Variants in SH2D4B observed in about 807,000 individuals in gnomAD.
The protein encoded by SH2D4B is SH2 domain-containing protein 4B.
SH2D4B carries 45 observed loss-of-function variants against 61.5 expected under a neutral mutation model. The ratio of observed to expected loss-of-function variants is 0.73; its 90% CI spans 0.58 to 0.94. The LOEUF (loss-of-function observed/expected upper bound fraction) is 0.94. Ranked by LOEUF, SH2D4B falls within the 40% of genes least tolerant of loss-of-function variation. SH2D4B has a pLI of 0.00. For missense variants in SH2D4B, 572 were observed against 574.2 expected (o/e 1.00, Z 0.04); for synonymous variants, 224 against 220.4 (o/e 1.02, Z -0.14).
intron 5 of SH2D4B, among the ~76,000 whole-genome samples, chr10:80,604,246 A>G (rs1350077594): frequency 1.3e-5 from 2 of 152,168 alleles, no homozygotes; most frequent in Non-Finnish European, 2.9e-5. Flanking sequence ...CAATTGGAAT[A>G]GTAGGTTTGC....
chr10:80,549,202 ATTGTGTGTGTGTGTGTG>A (rs1193411463), intron 1 of SH2D4B, among the ~76,000 whole-genome samples: 10 of 80,592 alleles, frequency 1.2e-4, no homozygotes, highest in Non-Finnish European at 1.9e-4. Context: ...ATGGGACTTG[ATTGTGTGTGTGTGTGTG>A]TGTGTGTGTG....
rs758321542 is a variant in SH2D4B at position 80,609,553 on chromosome 10, T to C, written c.988+2T>C. 1.2e-6 allele frequency: 2 copies of C among 1,613,762 alleles called. No homozygotes were observed. The highest frequency in any genetic ancestry group is 2.2e-5 in the South Asian group (2 of 91,086). ...AGTTCATCGCCCCCTGGTTCCATGG[T>C]AGCACCATTTTTCTGGGCCCTGTGC... On this transcript the variant is annotated splice_donor_variant, in intron 6 of 7. Transcript: ENST00000646907. LOFTEE classifies it high-confidence loss of function.
intron 3 of SH2D4B, among the ~76,000 whole-genome samples, chr10:80,582,674 ACC>A (rs1842196224): frequency 1.3e-5 from 2 of 152,164 alleles, no homozygotes; most frequent in Admixed American, 1.3e-4. Context: ...GGACAACACC[ACC>A]TGCCCTTACC....
At chr10:80,616,250 C>G (rs996154592) in intron 6 of SH2D4B, among the ~76,000 whole-genome samples, 2 of 152,114 alleles carry the variant, frequency 1.3e-5, no homozygotes, top group African/African-American at 4.8e-5. Flanking sequence ...AGCGAGATTG[C>G]TAATTTTCTT....
intron 1 of SH2D4B, among the ~76,000 whole-genome samples, chr10:80,553,384 T>G (rs1166923896): frequency 6.6e-6 from 1 of 152,192 alleles, no homozygotes; most frequent in African/African-American, 2.4e-5. Context: ...GCGATTTTGA[T>G]CCCAGAGATT....
chr10:80,566,945 C>T (rs1395818840), intron 1 of SH2D4B, among the ~76,000 whole-genome samples: 1 of 152,164 alleles, frequency 6.6e-6, no homozygotes, highest in African/African-American at 2.4e-5. Flanking sequence ...TAGCAATGCA[C>T]TCCTATATAT....
chr10:80,602,420 A>G (rs1842460928), intron 4 of SH2D4B, among the ~76,000 whole-genome samples: 1 of 152,192 alleles, frequency 6.6e-6, no homozygotes, highest in African/African-American at 2.4e-5. Flanking sequence ...CTGTGATCGC[A>G]CCACTGCACT....
chr10:80,540,929 T>C, intron 1 of SH2D4B: 1 of 1,540,704 alleles, frequency 6.5e-7, no homozygotes, highest in Non-Finnish European at 8.8e-7. Flanking sequence ...GCTCTCCAGA[T>C]GCTGGTGAGA....
chr10:80,611,015 A>G (rs755504748), intron 6 of SH2D4B, among the ~76,000 whole-genome samples: 2 of 151,874 alleles, frequency 1.3e-5, no homozygotes, highest in Non-Finnish European at 2.9e-5. Flanking sequence ...TACTAAAAAT[A>G]TTTTAAAAAA....
chr10:80,625,448 G>T (rs1244651759), intron 6 of SH2D4B, among the ~76,000 whole-genome samples: 1 of 151,982 alleles, frequency 6.6e-6, no homozygotes, highest in Non-Finnish European at 1.5e-5. Context: ...ATTTCTAGAT[G>T]ACTTATAATA....
At chr10:80,577,293 T>A (rs1842137000) in intron 3 of SH2D4B, among the ~76,000 whole-genome samples, 1 of 152,210 alleles carries the variant, frequency 6.6e-6, no homozygotes, top group Non-Finnish European at 1.5e-5. Flanking sequence ...TCCCAGTGAA[T>A]GACCCCAACC....
chr10:80,557,952 T>C (rs1841858818), intron 1 of SH2D4B, among the ~76,000 whole-genome samples: 1 of 152,142 alleles, frequency 6.6e-6, no homozygotes, highest in Admixed American at 6.5e-5. Flanking sequence ...AAACATTCCT[T>C]TCTAATATAA....
chr10:80,587,151 G>GTTTTTT (rs58312366), intron 3 of SH2D4B, among the ~76,000 whole-genome samples: 3 of 48,388 alleles, frequency 6.2e-5, no homozygotes, highest in Admixed American at 2.4e-4. Context: ...TTTTTGTTTT[G>GTTTTTT]TTTTTTTTTT....
At chr10:80,588,973 C>T (rs1043209610) in intron 4 of SH2D4B, among the ~76,000 whole-genome samples, 196 bp downstream of exon 4, 1 of 151,820 alleles carries the variant, frequency 6.6e-6, no homozygotes, top group African/African-American at 2.4e-5. Context: ...GCTTACCTGC[C>T]TGTTGGGGAT....
chr10:80,615,426 C>G (rs1842649942), intron 6 of SH2D4B, among the ~76,000 whole-genome samples: 1 of 152,210 alleles, frequency 6.6e-6, no homozygotes, highest in African/African-American at 2.4e-5. Context: ...GGGATGGAAA[C>G]TGGGACAGAA....
chr10:80,587,242 T>G (rs1842270141), intron 3 of SH2D4B, among the ~76,000 whole-genome samples: 1 of 150,198 alleles, frequency 6.7e-6, no homozygotes, highest in Non-Finnish European at 1.5e-5. Context: ...TTCAAGCCAT[T>G]CTCGTGCCTC....
intron 4 of SH2D4B, among the ~76,000 whole-genome samples, chr10:80,598,980 T>C (rs1842414502): frequency 6.6e-6 from 1 of 152,208 alleles, no homozygotes; most frequent in African/African-American, 2.4e-5. Flanking sequence ...TGTGGCTCCT[T>C]GACCTGTGTC....
At position 80,645,532 on chromosome 10, in the gene SH2D4B, G is replaced by A. The variant is rs1564534239; in HGVS notation, c.*1447G>A. On this transcript the variant is annotated 3_prime_UTR_variant, in exon 8 of 8. Coordinates refer to ENST00000646907, the MANE Select transcript of SH2D4B (RefSeq NM_001388272.1). ...TCGCTTTTTCCTCCTTCTTCCTCCT[G>A]GAGGAACTATTCTGAGAGTCATCTG... 6.6e-6 allele frequency: 1 copy of A among 152,200 alleles called. No homozygotes were observed. Among genetic ancestry groups the A allele is most frequent in the East Asian group, 1.9e-4 (1 of 5,194 alleles). The allele number at this position is 152,200 out of a possible 1,614,324, so 9.4% of individuals were successfully genotyped here.
In SH2D4B at chr10:80,539,460, G is replaced by A. The variant is rs1841549383; in HGVS notation, c.184+945G>A. On this transcript the variant is annotated intron_variant, in intron 1 of 7. Transcript: ENST00000646907. This position sits in a 1 kb window ranked among gnomAD's most constrained non-coding sequence, Gnocchi z 4.9. ...CACTGCTGGCCAGTCCCCACCAGGT[G>A]CCACAGGCCACACCCACATCATCTG... Among the ~76,000 whole-genome samples the A allele has an allele frequency of 1.3e-5, 2 of 152,226 alleles. No individual in the cohort carries two copies. The highest frequency in any genetic ancestry group is 1.3e-4 in the Admixed American group (2 of 15,282).
Sources: gnomAD v4.1 joint callset for allele counts (sites outside exome capture counted in the v4.1 genomes callset) on GRCh38, gnomAD v4.1.1 for gene constraint, Gnocchi (gnomAD v3.1) non-coding constraint, MANE v1.5 for transcripts, NCBI Gene and HGNC (gene_info 2026-07-23, HGNC 2026-07-21) for gene names.